Variants in IRAG2 observed in about 807,000 individuals in gnomAD.
The protein encoded by IRAG2 is lymphoid restricted membrane protein.
In IRAG2, 45 loss-of-function variants were observed where a neutral mutation model predicts 69.9. The ratio of observed to expected loss-of-function variants is 0.64; its 90% confidence interval spans 0.51 to 0.83. The LOEUF is 0.83. Ranked by LOEUF, IRAG2 falls within the 40% of genes least tolerant of loss-of-function variation. IRAG2 has a pLI of 0.00. For synonymous variants in IRAG2, 193 were observed against 202.4 expected, an observed-to-expected ratio of 0.95 and a Z score of 0.40; for missense variants, 520 against 587.0, an observed-to-expected ratio of 0.89 and a Z score of 1.18.
At chr12:25,038,740 C>G (rs908842227) in intron 16 of IRAG2, among the ~76,000 whole-genome samples, 35 of 152,062 alleles carry the variant, frequency 2.3e-4, no homozygotes, top group Middle Eastern at 3.4e-3. Flanking sequence ...CCAGAAGAAG[C>G]CTTAGAGAGC....
intron 16 of IRAG2, among the ~76,000 whole-genome samples, chr12:25,040,784 C>A (rs867551106): frequency 1.1e-4 from 17 of 152,260 alleles, no homozygotes; most frequent in African/African-American, 4.1e-4. Flanking sequence ...TTGATTCGTA[C>A]GACATCCGTC....
chr12:25,070,950 G>C (rs1235039136), intron 6 of IRAG2, among the ~76,000 whole-genome samples: 1 of 152,098 alleles, frequency 6.6e-6, no homozygotes, highest in Non-Finnish European at 1.5e-5. Context: ...AGTCTACTCA[G>C]ATCCTTTGCT....
chr12:25,074,694 G>A (rs11047814), intron 6 of IRAG2, among the ~76,000 whole-genome samples: 7,244 of 152,268 alleles, frequency 0.048, 191 homozygotes, highest in Middle Eastern at 0.1. Flanking sequence ...ATGAAGGCCA[G>A]AGTATATCTT....
intron 8 of IRAG2, among the ~76,000 whole-genome samples, chr12:25,024,717 C>A (rs1268913026): frequency 6.6e-6 from 1 of 152,090 alleles, no homozygotes; most frequent in South Asian, 2.1e-4. Context: ...TGGAAAGGAA[C>A]AATTAAAGTT....
At chr12:25,042,498 G>A (rs1037180762) in intron 16 of IRAG2, among the ~76,000 whole-genome samples, 21 of 151,814 alleles carry the variant, frequency 1.4e-4, no homozygotes, top group East Asian at 3.9e-4. Flanking sequence ...ACAGAGTCTC[G>A]CTCTGTCGCC....
chr12:25,052,149 A>G (rs1944890065), upstream of IRAG2: 1 of 394,848 alleles, frequency 2.5e-6, no homozygotes, highest in Non-Finnish European at 4.4e-6. Context: ...TGAGTTTGTC[A>G]TAATTTCACA....
intron 8 of IRAG2, among the ~76,000 whole-genome samples, chr12:25,025,249 T>C (rs1241273962): frequency 6.6e-6 from 1 of 151,680 alleles, no homozygotes; most frequent in Non-Finnish European, 1.5e-5. Flanking sequence ...TAAACTAGGG[T>C]GGTTAGGAAA....
At chr12:25,074,989 C>A (rs563343250) in intron 6 of IRAG2, among the ~76,000 whole-genome samples, 3 of 152,070 alleles carry the variant, frequency 2.0e-5, no homozygotes, top group Non-Finnish European at 4.4e-5. Context: ...AATAACATTG[C>A]CAGTTGCAAA....
intron 9 of IRAG2, 53 bp downstream of exon 9, chr12:25,079,816 T>G (rs1947074495): frequency 1.7e-6 from 2 of 1,162,026 alleles, no homozygotes; most frequent in Admixed American, 3.5e-5. Flanking sequence ...ACGAAGCAAG[T>G]CTATAAGCTA....
intron 11 of IRAG2, among the ~76,000 whole-genome samples, chr12:25,088,816 A>T (rs1947825989): frequency 6.6e-6 from 1 of 152,228 alleles, no homozygotes; most frequent in Admixed American, 6.5e-5. Context: ...AGTATCTACA[A>T]CAGAAGGTTT....
chr12:25,087,164 T>TC lies in IRAG2; in HGVS notation c.316-936_316-935insC, dbSNP rs1453175497. ...TGCCACTCTCCTTCCTTTTTTTTTTTTTTTTTTTTTTTTTTTTTGTTGAGA... is the reference window on the plus strand; with the variant it reads ...TGCCACTCTCCTTCCTTTTTTTTTTTCTTTTTTTTTTTTTTTTTTGTTGAGA... On this transcript the variant is annotated intron_variant, in intron 10 of 21. Coordinates refer to ENST00000556887, the MANE Select transcript of IRAG2 (RefSeq NM_001366544.2). Among the ~76,000 whole-genome samples the TC allele has an allele frequency of 6.1e-5, 7 of 113,826 alleles. No individual in the cohort carries two copies. In the East Asian group the frequency reaches 1.7e-3, roughly 28 times the overall value. 74.7% of individuals were successfully genotyped at this position (113,826 alleles called of 152,430 possible).
At chr12:25,099,780 T>C (rs181107892) in intron 15 of IRAG2, among the ~76,000 whole-genome samples, 110 of 151,896 alleles carry the variant, frequency 7.2e-4, no homozygotes, top group African/African-American at 2.4e-3. Flanking sequence ...GATGGGCAGA[T>C]CATGAGGTCA....
chr12:24,999,920 A>G (rs560021992), upstream of IRAG2, among the ~76,000 whole-genome samples: 22 of 152,180 alleles, frequency 1.4e-4, no homozygotes, highest in Non-Finnish European at 2.8e-4. Context: ...TTGGGGGCAT[A>G]CTTACACTAA....
intron 8 of IRAG2, among the ~76,000 whole-genome samples, chr12:25,024,368 G>A (rs1591928772): frequency 6.6e-6 from 1 of 152,138 alleles, no homozygotes; most frequent in South Asian, 2.1e-4. Flanking sequence ...TTATTTTCGA[G>A]ATTAACTAAG....
At chr12:25,072,211 A>G (rs1004883326) in intron 6 of IRAG2, among the ~76,000 whole-genome samples, 1 of 152,006 alleles carries the variant, frequency 6.6e-6, no homozygotes, top group Non-Finnish European at 1.5e-5. Flanking sequence ...TCTCAAAAGA[A>G]AAAAAAAGAA....
At chr12:25,038,376 C>T (rs1358676846) in intron 16 of IRAG2, among the ~76,000 whole-genome samples, 2 of 151,964 alleles carry the variant, frequency 1.3e-5, no homozygotes, top group African/African-American at 2.4e-5. Flanking sequence ...AGCGCGGTGG[C>T]TCACGCCTGT....
At chr12:25,018,813 G>A (rs560538209) in intron 6 of IRAG2, among the ~76,000 whole-genome samples, 15 of 152,282 alleles carry the variant, frequency 9.9e-5, no homozygotes, top group African/African-American at 3.6e-4. Flanking sequence ...GAATCCAGAT[G>A]GGCAATCAGA....
intron 14 of IRAG2, among the ~76,000 whole-genome samples, chr12:25,091,306 G>A (rs1266393004): frequency 6.6e-6 from 1 of 152,086 alleles, no homozygotes; most frequent in African/African-American, 2.4e-5. Context: ...CTGACTCTAT[G>A]AATTTGACAA....
intron 6 of IRAG2, among the ~76,000 whole-genome samples, chr12:25,073,667 C>G (rs997585848): frequency 6.6e-6 from 1 of 152,158 alleles, no homozygotes; most frequent in Non-Finnish European, 1.5e-5. Flanking sequence ...ATTTGGAGCC[C>G]TGTTTGGGAC....
Sources: gnomAD v4.1 joint callset for allele counts (sites outside exome capture counted in the v4.1 genomes callset) on GRCh38, gnomAD v4.1.1 for gene constraint, MANE v1.5 for transcripts, NCBI Gene and HGNC (gene_info 2026-07-23, HGNC 2026-07-21) for gene names.